Variants in ADPRHL1 observed in about 807,000 individuals in gnomAD.
ADPRHL1 encodes ADP-ribosylhydrolase like 1, also known as inactive ADP-ribosyltransferase ARH2.
ADPRHL1 carries 43 observed loss-of-function variants against 44.1 expected under a neutral mutation model. That is an observed-to-expected ratio of 0.98 (90% confidence interval 0.76 to 1.26). The LOEUF (loss-of-function observed/expected upper bound fraction) is 1.26, where lower values mean the gene tolerates loss of function less well. ADPRHL1 is among the 50% of genes most tolerant of loss of function. The probability of loss-of-function intolerance (pLI) is 0.00; values close to 1 mark genes in which losing one functional copy is unlikely to be tolerated. For synonymous variants in ADPRHL1, 878 were observed against 1,017.4 expected, an observed-to-expected ratio of 0.86 and a Z score of 2.61; for missense variants, 2,022 against 2,496.9, an observed-to-expected ratio of 0.81 and a Z score of 4.05.
At position 113,417,315 on chromosome 13, in the gene ADPRHL1, G is replaced by A. The variant is rs9577538; in HGVS notation, c.1061+5511C>T. ...GTCTTGCCCGAGGGAGAGCCAGAGT[G>A]GGGGGTCCTGGGCGATTGCCCTTCT... is the stretch of plus-strand genomic sequence containing the variant. On this transcript the variant is annotated intron_variant, in intron 7 of 7. Coordinates refer to ENST00000612156, the MANE Select transcript of ADPRHL1 (RefSeq NM_001394807.1). Among the ~76,000 whole-genome samples, 115 of 152,356 alleles carry A rather than the reference G, an allele frequency of 7.5e-4. 1 individual carries two copies. The highest frequency in any genetic ancestry group is 2.9e-3 in the East Asian group (15 of 5,178).
chr13:113,407,849 G>T lies in ADPRHL1; in HGVS notation c.1433C>A (p.Thr478Asn), dbSNP rs1308680615. 3 of 1,231,844 alleles carry T rather than the reference G, an allele frequency of 2.4e-6. No homozygotes were observed. Among genetic ancestry groups the T allele is most frequent in the Non-Finnish European group, 3.0e-6 (3 of 988,006 alleles). 76.3% of individuals were successfully genotyped at this position (1,231,844 alleles called of 1,614,324 possible). A position where few individuals can be genotyped will look rare whatever the true frequency, so the allele number is the denominator to read the frequency against. The change falls in exon 8 of 8, where the codon ACC (threonine) becomes AAC (asparagine). Residue 478 changes from threonine to asparagine, a missense_variant. Around this residue, in one of 8 missense-constraint regions of ADPRHL1, gnomAD observed 1,221 missense variants for 1,517.8 expected, o/e 0.80. Transcript: ENST00000612156. ...GATINKLLEK[T>N]KEPAPKPCLS... Reference sequence around the variant, plus strand: ...GCAGGGCTTTGGGGCCGGCTCCTTGGTCTTCTCCAGGAGCTTGTTGATGGT... The same window carrying T: ...GCAGGGCTTTGGGGCCGGCTCCTTGTTCTTCTCCAGGAGCTTGTTGATGGT...
intron 7 of ADPRHL1, among the ~76,000 whole-genome samples, chr13:113,420,037 G>A (rs756342312): frequency 1.2e-4 from 19 of 152,084 alleles, no homozygotes; most frequent in Non-Finnish European, 2.6e-4. Context: ...TTAGGCGACC[G>A]TGACCGTGTT....
chr13:113,443,078 C>T (rs1258905214), intron 2 of ADPRHL1, among the ~76,000 whole-genome samples: 4 of 152,200 alleles, frequency 2.6e-5, no homozygotes, highest in African/African-American at 9.7e-5. Flanking sequence ...TTTTTGAACA[C>T]ATGGAGTATC....
chr13:113,408,865 A>AGGGGGGCTGCAGAGAGGG (rs71101586), intron 7 of ADPRHL1, among the ~76,000 whole-genome samples: 1 of 135,636 alleles, frequency 7.4e-6, no homozygotes, highest in Non-Finnish European at 1.6e-5. Flanking sequence ...TGCAGAGAGG[A>AGGGGGGCTGCAGAGAGGG]AGGGAGGAGG....
intron 4 of ADPRHL1, among the ~76,000 whole-genome samples, chr13:113,425,757 T>A (rs1694519371): frequency 6.7e-6 from 1 of 150,336 alleles, no homozygotes; most frequent in Admixed American, 6.6e-5. Context: ...CTTGGCACAC[T>A]GCAACCTCCG....
intron 3 of ADPRHL1, among the ~76,000 whole-genome samples, chr13:113,431,415 G>A (rs548266469): frequency 7.5e-4 from 115 of 152,338 alleles, no homozygotes; most frequent in African/African-American, 2.7e-3. Flanking sequence ...CCCTTGGCCC[G>A]GCGGGAGGGC....
intron 3 of ADPRHL1, among the ~76,000 whole-genome samples, chr13:113,433,020 G>C (rs1466326646): frequency 6.6e-6 from 1 of 152,206 alleles, no homozygotes; most frequent in African/African-American, 2.4e-5. Context: ...GGCTGCGGAC[G>C]GGGACAAATC....
Position 113,403,228 on chromosome 13 carries a change from G to T in ADPRHL1, c.*150C>A. ...CCACATGTAGCTCAATCCTCCCAAGGTCAGCTTGTGAAGAAGGGAAAGAAA... is the reference window on the plus strand; with the variant it reads ...CCACATGTAGCTCAATCCTCCCAAGTTCAGCTTGTGAAGAAGGGAAAGAAA... On this transcript the variant is annotated 3_prime_UTR_variant, in exon 8 of 8. Transcript: ENST00000612156. 1.5e-6 allele frequency: 1 copy of T among 679,262 alleles called. No homozygotes were observed. Among genetic ancestry groups the T allele is most frequent in the Non-Finnish European group, 2.1e-6 (1 of 484,266 alleles). 42.1% of individuals were successfully genotyped at this position (679,262 alleles called of 1,614,324 possible). A position where few individuals can be genotyped will look rare whatever the true frequency, so the allele number is the denominator to read the frequency against.
intron 7 of ADPRHL1, among the ~76,000 whole-genome samples, chr13:113,411,043 T>C (rs527595301): frequency 6.6e-6 from 1 of 152,336 alleles, no homozygotes; most frequent in East Asian, 1.9e-4. Context: ...TGAACCATGC[T>C]GACTGCTTGT....
At chr13:113,448,150 C>T (rs1271321550) in intron 1 of ADPRHL1, among the ~76,000 whole-genome samples, 32 of 152,110 alleles carry the variant, frequency 2.1e-4, no homozygotes, top group Admixed American at 2.1e-3. Flanking sequence ...CACTCCACTC[C>T]TGTCTCCTGT....
intron 2 of ADPRHL1, among the ~76,000 whole-genome samples, chr13:113,435,401 G>C (rs1475477503): frequency 2.2e-5 from 3 of 135,636 alleles, no homozygotes; most frequent in African/African-American, 8.9e-5. Flanking sequence ...CTGGCACCCA[G>C]GTGTAGAGTG....
rs910558416 is a variant in ADPRHL1, at chr13:113,403,202, C to A, written c.*176G>T. The A allele has an allele frequency of 1.9e-6, 1 of 536,186 alleles. No individual in the cohort carries two copies. Among genetic ancestry groups the A allele is most frequent in the Admixed American group, 4.4e-5 (1 of 22,618 alleles). The allele number at this position is 536,186 out of a possible 1,614,324, so 33.2% of individuals were successfully genotyped here. On this transcript the variant is annotated 3_prime_UTR_variant, in exon 8 of 8. Transcript: ENST00000612156. ...GCTCTGTGGGGTGACAGGAACCCGA[C>A]CCACATGTAGCTCAATCCTCCCAAG... is the stretch of plus-strand genomic sequence containing the variant.
At chr13:113,424,716 A>ACTCGCCCACC (rs2043952690) in intron 5 of ADPRHL1, among the ~76,000 whole-genome samples, 1 of 63,322 alleles carries the variant, frequency 1.6e-5, no homozygotes, top group African/African-American at 6.5e-5. Context: ...ATTTACCCAC[A>ACTCGCCCACC]CATTTACCTA....
rs544966620 is a variant in ADPRHL1 at position 113,404,457 on chromosome 13, G to T, written c.4825C>A (p.Gln1609Lys). 35 of 1,310,692 alleles carry T rather than the reference G, an allele frequency of 2.7e-5. No homozygotes were observed. In the South Asian group the frequency reaches 6.2e-4, roughly 23 times the overall value. The allele number at this position is 1,310,692 out of a possible 1,614,324, so 81.2% of individuals were successfully genotyped here. A position where few individuals can be genotyped will look rare whatever the true frequency, so the allele number is the denominator to read the frequency against. Reference sequence around the variant, plus strand: ...TGGGCCTGTCCCTGAGCCTCTTCCTGGGCCCATTTCTGAACCTCTCCTTGA... The same window carrying T: ...TGGGCCTGTCCCTGAGCCTCTTCCTTGGCCCATTTCTGAACCTCTCCTTGA... Reference protein sequence around the residue: ...QVQGEVQKWAQEEAQGQAQWQ... With the variant: ...QVQGEVQKWAKEEAQGQAQWQ... Residue 1609 changes from glutamine to lysine, a missense_variant, in exon 8 of 8, where the codon CAG (glutamine) becomes AAG (lysine). This residue lies in a region of ADPRHL1 where 78 missense variants were observed against 76.5 expected (regional missense o/e 1.02). Transcript: ENST00000612156.
intron 7 of ADPRHL1, among the ~76,000 whole-genome samples, chr13:113,420,104 C>T (rs2043907995): frequency 6.6e-6 from 1 of 152,172 alleles, no homozygotes; most frequent in Non-Finnish European, 1.5e-5. Context: ...CATTTGGATT[C>T]GCGAAGCTGT....
Position 113,409,221 on chromosome 13 carries a change from T to C in ADPRHL1, c.1062-1001A>G. 1.1e-6 allele frequency: 1 copy of C among 875,008 alleles called. No homozygotes were observed. Among genetic ancestry groups the C allele is most frequent in the Non-Finnish European group, 1.4e-6 (1 of 729,144 alleles). The allele number at this position is 875,008 out of a possible 1,614,324, so 54.2% of individuals were successfully genotyped here. A position where few individuals can be genotyped will look rare whatever the true frequency, so the allele number is the denominator to read the frequency against. ...TTTCTGAGCCTGGGTCCGGGGTAAG[T>C]TCTGCTCCTGAGCAGCCGTGACCAC... On this transcript the variant is annotated intron_variant, in intron 7 of 7. Transcript: ENST00000612156. The surrounding 1 kb of genome is among the most constrained non-coding windows in gnomAD (Gnocchi z 4.2).
rs1390934612 is a variant in ADPRHL1, at chr13:113,406,019, G to A, written c.3263C>T (p.Thr1088Ile). 8.1e-7 allele frequency: 1 copy of A among 1,232,114 alleles called. No homozygotes were observed. 76.3% of individuals were successfully genotyped at this position (1,232,114 alleles called of 1,614,324 possible). Residue 1088 changes from threonine (T) to isoleucine (I), a missense_variant, in exon 8 of 8, where the codon ACC becomes ATC. By Grantham distance (89) the Thr-to-Ile change is moderately conservative (BLOSUM62 -1). Transcript: ENST00000612156. ...SQPLKAAEEI[T>I]SHDVRENPLS... is the part of the protein sequence containing the mutation. Reference sequence around the variant, plus strand: ...TGGGTTCTCGCGAACATCATGGCTGGTGATTTCCTCGGCAGCCTTCAGGGG... The same window carrying A: ...TGGGTTCTCGCGAACATCATGGCTGATGATTTCCTCGGCAGCCTTCAGGGG...
intron 1 of ADPRHL1, chr13:113,449,110 G>A (rs528282979): frequency 2.0e-6 from 2 of 995,200 alleles, no homozygotes. Context: ...GCTAGACACG[G>A]CTACTTCCTG....
chr13:113,430,908 C>G (rs552386986), intron 3 of ADPRHL1, among the ~76,000 whole-genome samples: 1 of 152,312 alleles, frequency 6.6e-6, no homozygotes, highest in South Asian at 2.1e-4. Context: ...AGCCCTTGCC[C>G]CACTGGGCAC....
Sources: gnomAD v4.1 joint callset for allele counts (sites outside exome capture counted in the v4.1 genomes callset) on GRCh38, gnomAD v4.1.1 for gene constraint, gnomAD v4.1.1 regional missense constraint, Gnocchi (gnomAD v3.1) non-coding constraint, MANE v1.5 for transcripts, NCBI Gene and HGNC (gene_info 2026-07-23, HGNC 2026-07-21) for gene names.